Variants in OGFOD1 observed in about 807,000 individuals in gnomAD.
OGFOD1 encodes the protein 2-oxoglutarate and iron dependent oxygenase domain containing 1.
In OGFOD1, 54 loss-of-function variants were observed where a neutral mutation model predicts 67.7. The ratio of observed to expected loss-of-function variants is 0.80; its 90% confidence interval spans 0.64 to 1.00. OGFOD1 has a LOEUF of 1.00. Among genes scored for constraint, OGFOD1 ranks in the 50% least tolerant of loss-of-function variants. The probability of loss-of-function intolerance (pLI) is 0.00; values close to 1 mark genes in which losing one functional copy is unlikely to be tolerated. For missense variants in OGFOD1, 606 were observed against 646.7 expected, an observed-to-expected ratio of 0.94 and a Z score of 0.68; for synonymous variants, 221 against 227.0, an observed-to-expected ratio of 0.97 and a Z score of 0.24.
intron 3 of OGFOD1, among the ~76,000 whole-genome samples, chr16:56,461,669 C>T (rs532999822): frequency 9.9e-5 from 15 of 152,240 alleles, no homozygotes; most frequent in East Asian, 1.9e-4. Context: ...AGCCCTTAAC[C>T]TTTATTAATG....
At chr16:56,474,009 A>G (rs1208797750) in intron 10 of OGFOD1, among the ~76,000 whole-genome samples, 1 of 152,118 alleles carries the variant, frequency 6.6e-6, no homozygotes, top group Non-Finnish European at 1.5e-5. Context: ...GGGTTTTGCC[A>G]TATTGGCCAG....
intron 11 of OGFOD1, 61 bp from the exon 12 acceptor site, chr16:56,475,446 G>GTAT: frequency 6.8e-7 from 1 of 1,461,280 alleles, no homozygotes; most frequent in Non-Finnish European, 9.6e-7. Flanking sequence ...AGTGATTTAA[G>GTAT]TAGATGGTGC....
At chr16:56,457,286 A>G (rs1962554819) in intron 2 of OGFOD1, among the ~76,000 whole-genome samples, 1 of 152,268 alleles carries the variant, frequency 6.6e-6, no homozygotes, top group African/African-American at 2.4e-5. Context: ...CCTTGAAAAC[A>G]TTAGGCTAAG....
chr16:56,467,385 T>A, intron 7 of OGFOD1, 92 bp downstream of exon 7: 1 of 1,396,806 alleles, frequency 7.2e-7, no homozygotes, highest in Non-Finnish European at 9.9e-7. Context: ...TTAATGAAAC[T>A]GGACCTTGAG....
At chr16:56,456,198 CTT>C (rs1962517210) in intron 2 of OGFOD1, among the ~76,000 whole-genome samples, 1 of 152,150 alleles carries the variant, frequency 6.6e-6, no homozygotes, top group Admixed American at 6.5e-5. Flanking sequence ...TTTTTTTTCA[CTT>C]TACTTTCAGG....
chr16:56,467,830 T>C (rs1452404222), intron 7 of OGFOD1, 75 bp from the exon 8 acceptor site: 4 of 769,832 alleles, frequency 5.2e-6, no homozygotes, highest in Non-Finnish European at 9.4e-6. Context: ...TGTATTTTAT[T>C]AGTGTGAAAT....
chr16:56,477,768 T>G lies in OGFOD1; in HGVS notation c.*1563T>G, dbSNP rs1415749195. On this transcript the variant is annotated 3_prime_UTR_variant, in exon 13 of 13. Transcript: ENST00000566157. ...TTATTTTTAGCTTTTGCAGTAGTGTTTAGTGTGGGTTTTACTAATTAATAG... is the reference window on the plus strand; with the variant it reads ...TTATTTTTAGCTTTTGCAGTAGTGTGTAGTGTGGGTTTTACTAATTAATAG... 2 of 152,210 alleles carry G rather than the reference T, an allele frequency of 1.3e-5. No individual in the cohort carries two copies. Among genetic ancestry groups the G allele is most frequent in the African/African-American group, 2.4e-5 (1 of 41,442 alleles). The allele number at this position is 152,210 out of a possible 1,614,324, so 9.4% of individuals were successfully genotyped here.
At position 56,456,223 on chromosome 16, in the gene OGFOD1, CTT is replaced by C. The variant is rs559083090; in HGVS notation, c.301-2324_301-2323del. On this transcript the variant is annotated intron_variant, in intron 2 of 12. Transcript: ENST00000566157. The stretch of plus-strand genomic sequence containing the variant: ...CTTTACTTTCAGGTTACCATGCTCT[CTT>C]GGTTTCTCTTCTTCCTCAGTGGCTA... 3.7e-3 allele frequency among the ~76,000 whole-genome samples: 559 copies of C among 152,278 alleles called. 3 individuals are homozygous for C. Among genetic ancestry groups the C allele is most frequent in the African/African-American group, 0.013 (520 of 41,552 alleles).
intron 10 of OGFOD1, among the ~76,000 whole-genome samples, chr16:56,471,451 T>C (rs1309951041): frequency 6.6e-6 from 1 of 151,952 alleles, no homozygotes; most frequent in Non-Finnish European, 1.5e-5. Flanking sequence ...CCATTTAAGC[T>C]CAGATCTGAA....
At chr16:56,474,704 A>T in intron 10 of OGFOD1, 124 bp from the exon 11 acceptor site, 1 of 698,322 alleles carries the variant, frequency 1.4e-6, no homozygotes, top group Non-Finnish European at 2.3e-6. Context: ...TAGCACTTCA[A>T]TCAAAGGTTT....
rs531382363 is a variant in OGFOD1, at chr16:56,462,604, G to C, written c.418G>C (p.Asp140His). 2 of 1,610,722 alleles carry C rather than the reference G, an allele frequency of 1.2e-6. No individual in the cohort carries two copies. Among genetic ancestry groups the C allele is most frequent in the Non-Finnish European group, 1.7e-6 (2 of 1,177,264 alleles). Residue 140 changes from aspartate (D) to histidine (H), a missense_variant, in exon 4 of 13, where the codon GAC (aspartate) becomes CAC (histidine). Asp to His is a moderately conservative substitution (Grantham distance 81). Transcript: ENST00000566157. Reference sequence around the variant, plus strand: ...TAAAATTGACCTGGAATCAACCATTGACATGTCCTGTGCTAAATATGAATT... The same window carrying C: ...TAAAATTGACCTGGAATCAACCATTCACATGTCCTGTGCTAAATATGAATT... ...ISKIDLESTI[D>H]MSCAKYEFTD...
At chr16:56,469,753 G>C (rs566054851) in intron 8 of OGFOD1, among the ~76,000 whole-genome samples, 1 of 151,484 alleles carries the variant, frequency 6.6e-6, no homozygotes, top group Non-Finnish European at 1.5e-5. Flanking sequence ...GGGAGGCTGA[G>C]GCAGGAGAAT....
intron 9 of OGFOD1, 65 bp from the exon 10 acceptor site, chr16:56,470,422 T>C: frequency 1.4e-6 from 2 of 1,434,668 alleles, no homozygotes; most frequent in Non-Finnish European, 1.9e-6. Flanking sequence ...AACGATCAGC[T>C]TTTATTCTGT....
intron 3 of OGFOD1, among the ~76,000 whole-genome samples, chr16:56,462,144 T>C (rs1262238349): frequency 6.6e-6 from 1 of 151,992 alleles, no homozygotes; most frequent in Non-Finnish European, 1.5e-5. Flanking sequence ...CTTTCCATTT[T>C]AGTGCTGAAA....
At chr16:56,461,216 G>A (rs1962699971) in intron 3 of OGFOD1, among the ~76,000 whole-genome samples, 1 of 152,234 alleles carries the variant, frequency 6.6e-6, no homozygotes, top group African/African-American at 2.4e-5. Context: ...TCCTGCAAGG[G>A]AAGAGAGGCT....
At chr16:56,469,872 A>G (rs1475547839) in intron 8 of OGFOD1, 131 bp from the exon 9 acceptor site, 10 of 594,658 alleles carry the variant, frequency 1.7e-5, no homozygotes, top group Non-Finnish European at 2.8e-5. Context: ...AAAAAAAAAA[A>G]AGGAATGAGA....
rs1963200539 is a variant in OGFOD1, at chr16:56,471,835, G to C, written c.1285+1044G>C. 2.0e-5 allele frequency among the ~76,000 whole-genome samples: 3 copies of C among 152,208 alleles called. No individual in the cohort carries two copies. The South Asian group carries it at 6.2e-4, about 31-fold the overall frequency. ...TTAATACACAGGGTAGCCTTTCTTT[G>C]AAAGATTAGTTTTCCATGTTAATTG... On this transcript the variant is annotated intron_variant, in intron 10 of 12. Transcript: ENST00000566157.
In OGFOD1 at chr16:56,467,415, CT is replaced by C. The variant is rs1308577664; in HGVS notation, c.786+132del. On this transcript the variant is annotated intron_variant, in intron 7 of 12. Coordinates refer to ENST00000566157, the MANE Select transcript of OGFOD1 (RefSeq NM_018233.4). ...CTTGAGCTTGCCCCTTTCCACTTTT[CT>C]TTTTTTTTTCTTCCTTTTTTTTTTT... 7,239 of 824,494 alleles carry C rather than the reference CT, an allele frequency of 8.8e-3. 54 individuals are homozygous for C. The highest frequency in any genetic ancestry group is 9.5e-3 in the African/African-American group (521 of 54,718). The allele number at this position is 824,494 out of a possible 1,614,324, so 51.1% of individuals were successfully genotyped here.
In OGFOD1 at chr16:56,476,346, CATA is replaced by C. The variant is rs1380991714; in HGVS notation, c.*144_*146del. 4.6e-6 allele frequency: 3 copies of C among 653,114 alleles called. No homozygotes were observed. The highest frequency in any genetic ancestry group is 5.0e-6 in the Non-Finnish European group (2 of 403,804). The allele number at this position is 653,114 out of a possible 1,614,324, so 40.5% of individuals were successfully genotyped here. On this transcript the variant is annotated 3_prime_UTR_variant, in exon 13 of 13. Coordinates refer to ENST00000566157, the MANE Select transcript of OGFOD1 (RefSeq NM_018233.4). ...AAACTGGTTGTCTTTTACTAGGACT[CATA>C]ATGATTGTCCTCAACCGAGACCTTG...
Sources: gnomAD v4.1 joint callset for allele counts (sites outside exome capture counted in the v4.1 genomes callset) on GRCh38, gnomAD v4.1.1 for gene constraint, MANE v1.5 for transcripts, NCBI Gene and HGNC (gene_info 2026-07-23, HGNC 2026-07-21) for gene names.